Variants in CPNE4 observed in about 807,000 individuals in gnomAD.
CPNE4 encodes copine 4.
In CPNE4, 25 loss-of-function variants were observed where a neutral mutation model predicts 67.9. The ratio of observed to expected loss-of-function variants is 0.37; its 90% CI spans 0.27 to 0.51. The LOEUF is 0.51. Among genes scored for constraint, CPNE4 ranks in the 20% least tolerant of loss-of-function variants. CPNE4 has a pLI of 0.93. For missense variants in CPNE4, 464 were observed against 690.8 expected (o/e 0.67, Z 3.68); for synonymous variants, 242 against 244.9 (o/e 0.99, Z 0.11).
In CPNE4 at chr3:131,536,893, C is replaced by T. The variant is rs545099903; in HGVS notation, c.1540-1564G>A. On this transcript the variant is annotated intron_variant, in intron 15 of 15. Transcript: ENST00000429747. The stretch of plus-strand genomic sequence containing the variant: ...CATACAAAGGTTAGAAAGTCAAATC[C>T]TTGATTTTCCAGCTTCCTTTACATC... Among the ~76,000 whole-genome samples the T allele has an allele frequency of 5.3e-5, 8 of 152,260 alleles. No homozygotes were observed. In the East Asian group the frequency reaches 1.5e-3, roughly 29 times the overall value.
chr3:131,774,382 A>G (rs1005868136), intron 2 of CPNE4, among the ~76,000 whole-genome samples: 3 of 152,010 alleles, frequency 2.0e-5, no homozygotes, highest in African/African-American at 7.2e-5. Flanking sequence ...CAGGAGAGTG[A>G]GGACATAATG....
intron 2 of CPNE4, among the ~76,000 whole-genome samples, chr3:131,880,807 T>G (rs2087645535): frequency 6.6e-6 from 1 of 152,230 alleles, no homozygotes; most frequent in South Asian, 2.1e-4. Flanking sequence ...TACCATTCTT[T>G]AGATAAGAGA....
At chr3:131,820,255 C>T (rs1447360946) in intron 2 of CPNE4, among the ~76,000 whole-genome samples, 2 of 152,192 alleles carry the variant, frequency 1.3e-5, no homozygotes, top group Non-Finnish European at 2.9e-5. Context: ...CAAGGTTGGG[C>T]AGTAGGAGAA....
intron 7 of CPNE4, among the ~76,000 whole-genome samples, chr3:131,636,990 G>A (rs2079405094): frequency 6.6e-6 from 1 of 152,200 alleles, no homozygotes; most frequent in Non-Finnish European, 1.5e-5. Context: ...GGGGAAAAGG[G>A]AGAACAGCAC....
intron 2 of CPNE4, among the ~76,000 whole-genome samples, chr3:131,742,644 A>C (rs1025121555): frequency 2.0e-5 from 3 of 152,172 alleles, no homozygotes; most frequent in Non-Finnish European, 4.4e-5. Flanking sequence ...CAATAAGTAA[A>C]ATCAATAAAG....
At chr3:131,938,882 T>C (rs914583333) in intron 1 of CPNE4, among the ~76,000 whole-genome samples, 5 of 152,134 alleles carry the variant, frequency 3.3e-5, no homozygotes, top group African/African-American at 7.2e-5. Flanking sequence ...GAATAAGACA[T>C]TGATGCTTAC....
chr3:131,676,001 A>G (rs1049607456), intron 6 of CPNE4, among the ~76,000 whole-genome samples: 2 of 148,788 alleles, frequency 1.3e-5, no homozygotes, highest in African/African-American at 4.9e-5. Flanking sequence ...TGAGGTTACC[A>G]TGAGGCTTGC....
chr3:131,591,902 A>G (rs1938552408), intron 7 of CPNE4, among the ~76,000 whole-genome samples: 1 of 152,194 alleles, frequency 6.6e-6, no homozygotes, highest in Non-Finnish European at 1.5e-5. Context: ...GGTGTGAATC[A>G]ATAAGAAGGC....
Position 131,874,843 on chromosome 3 carries a change from C to T in CPNE4, c.180+30421G>A, listed in dbSNP as rs2087373891. On this transcript the variant is annotated intron_variant, in intron 2 of 15. Transcript: ENST00000429747. Reference sequence around the variant, plus strand: ...AACTGTGGCTTAAAGTCAAATTAAACATTAAAAAAGGAAAATCACGTGTAT... The same window carrying T: ...AACTGTGGCTTAAAGTCAAATTAAATATTAAAAAAGGAAAATCACGTGTAT... 2.6e-5 allele frequency among the ~76,000 whole-genome samples: 4 copies of T among 152,136 alleles called. No individual in the cohort carries two copies. In the South Asian group the frequency reaches 8.3e-4, roughly 32 times the overall value.
At position 131,534,312 on chromosome 3, in the gene CPNE4, T is replaced by G. The variant is rs1242790182; in HGVS notation, c.*883A>C. 1 of 152,168 alleles carries G rather than the reference T, an allele frequency of 6.6e-6. No homozygotes were observed. Among genetic ancestry groups the G allele is most frequent in the Non-Finnish European group, 1.5e-5 (1 of 68,032 alleles). 9.4% of individuals were successfully genotyped at this position (152,168 alleles called of 1,614,324 possible). ...GAGTCAGTCTCATTACTTTCTACTG[T>G]CACCTCTGGAGACAGGCAGGACTTT... On this transcript the variant is annotated 3_prime_UTR_variant, in exon 16 of 16. Coordinates refer to ENST00000429747, the MANE Select transcript of CPNE4 (RefSeq NM_130808.3).
In CPNE4 at chr3:131,826,198, C is replaced by T. The variant is rs1239150321; in HGVS notation, c.180+79066G>A. Among the ~76,000 whole-genome samples the T allele has an allele frequency of 2.6e-5, 4 of 151,470 alleles. No individual in the cohort carries two copies. The East Asian group carries it at 7.8e-4, about 29-fold the overall frequency. On this transcript the variant is annotated intron_variant, in intron 2 of 15. Transcript: ENST00000429747. ...ACTTCTGGATGTCTTTTTCTTTTTTCTTTTTTTGTTTTTTGAAACAGAGTC... is the reference window on the plus strand; with the variant it reads ...ACTTCTGGATGTCTTTTTCTTTTTTTTTTTTTTGTTTTTTGAAACAGAGTC...
At chr3:131,978,109 A>ATAT (rs1412163656) in intron 1 of CPNE4, among the ~76,000 whole-genome samples, 1 of 60,408 alleles carries the variant, frequency 1.7e-5, no homozygotes, top group African/African-American at 2.7e-4. Flanking sequence ...AAATATATAT[A>ATAT]AAATATATAT....
chr3:131,851,294 T>C (rs963090143), intron 2 of CPNE4, among the ~76,000 whole-genome samples: 1 of 152,058 alleles, frequency 6.6e-6, no homozygotes, highest in African/African-American at 2.4e-5. Flanking sequence ...CAATTAAAAA[T>C]TAATATTTTT....
intron 7 of CPNE4, among the ~76,000 whole-genome samples, chr3:131,598,101 G>A (rs1938997804): frequency 6.6e-6 from 1 of 152,200 alleles, no homozygotes; most frequent in Non-Finnish European, 1.5e-5. Flanking sequence ...GTAGGCACAG[G>A]ATCGAAGAGA....
intron 2 of CPNE4, among the ~76,000 whole-genome samples, chr3:131,739,384 G>A (rs1416737374): frequency 3.9e-5 from 6 of 152,108 alleles, no homozygotes; most frequent in South Asian, 4.2e-4. Flanking sequence ...AAAGGCTCTC[G>A]TGTACATTTT....
intron 6 of CPNE4, among the ~76,000 whole-genome samples, chr3:131,677,079 G>A (rs1347469708): frequency 1.3e-5 from 2 of 151,564 alleles, no homozygotes; most frequent in East Asian, 1.9e-4. Flanking sequence ...CATTCTGACT[G>A]GTGTGAGATG....
intron 7 of CPNE4, among the ~76,000 whole-genome samples, chr3:131,638,427 G>A (rs115670195): frequency 0.021 from 3,164 of 152,112 alleles, 61 homozygotes; most frequent in African/African-American, 0.051. Context: ...AAGACAAAGA[G>A]GTGATAGTAT....
Position 131,801,452 on chromosome 3 carries a change from G to GTATATATATATATATA in CPNE4, c.181-77843_181-77828dup, listed in dbSNP as rs71136416. Among the ~76,000 whole-genome samples the GTATATATATATATATA allele has an allele frequency of 3.8e-3, 201 of 53,290 alleles. 2 individuals carry two copies. Among genetic ancestry groups the GTATATATATATATATA allele is most frequent in the Admixed American group, 4.9e-3 (22 of 4,512 alleles). 35.0% of individuals were successfully genotyped at this position (53,290 alleles called of 152,430 possible). On this transcript the variant is annotated intron_variant, in intron 2 of 15. Coordinates refer to ENST00000429747, the MANE Select transcript of CPNE4 (RefSeq NM_130808.3). The stretch of plus-strand genomic sequence containing the variant: ...TGTGTGTGTGTGTGTGTGTGTGTGT[G>GTATATATATATATATA]TATATATATATATATATATATATAT...
chr3:131,788,362 C>T (rs1293057911), intron 2 of CPNE4, among the ~76,000 whole-genome samples: 1 of 151,938 alleles, frequency 6.6e-6, no homozygotes, highest in East Asian at 1.9e-4. Flanking sequence ...ATTGAATGTA[C>T]AATTTCAAAA....
Sources: gnomAD v4.1 joint callset for allele counts (sites outside exome capture counted in the v4.1 genomes callset) on GRCh38, gnomAD v4.1.1 for gene constraint, MANE v1.5 for transcripts, NCBI Gene and HGNC (gene_info 2026-07-23, HGNC 2026-07-21) for gene names.